Variants in USP6 observed in about 807,000 individuals in gnomAD.
USP6 encodes ubiquitin specific peptidase 6, also known as ubiquitin carboxyl-terminal hydrolase 6.
Under a neutral mutation model 175.7 loss-of-function variants are expected in USP6, and 128 were observed. The ratio of observed to expected loss-of-function variants is 0.73; its 90% CI spans 0.63 to 0.84. The LOEUF is 0.84. USP6 is among the 40% of genes least tolerant of loss of function. USP6 has a pLI of 0.00. For missense variants in USP6, 1,498 were observed against 1,760.3 expected (o/e 0.85, Z 2.67); for synonymous variants, 562 against 630.6 (o/e 0.89, Z 1.63).
chr17:5,123,442 CA>C (rs2072773261), intron 4 of USP6, among the ~76,000 whole-genome samples: 1 of 152,032 alleles, frequency 6.6e-6, no homozygotes. Context: ...CAGTGAGTGC[CA>C]GGGGCGGGCA....
In USP6 at chr17:5,155,511, C is replaced by G. The variant is rs1344316614; in HGVS notation, c.2733C>G (p.Thr911=). The change falls in exon 31 of 38, where the codon ACC becomes ACG. Residue 911 remains threonine, a synonymous_variant. Coordinates refer to ENST00000574788, the MANE Select transcript of USP6 (RefSeq NM_001304284.2). ...TGATTGTTCCATGCACTGTGCATACCCGGAAGAAAGACCTATATGATGCGG... is the reference window on the plus strand; with the variant it reads ...TGATTGTTCCATGCACTGTGCATACGCGGAAGAAAGACCTATATGATGCGG... ...MPLIVPCTVH[T]RKKDLYDAVW... 3 of 1,613,926 alleles carry G rather than the reference C, an allele frequency of 1.9e-6. No individual in the cohort carries two copies. The Admixed American group carries it at 5.0e-5, about 27-fold the overall frequency.
At chr17:5,155,680 CAGAT>C (rs2073868708) in intron 31 of USP6, 74 bp downstream of exon 31, 6 of 1,455,034 alleles carry the variant, frequency 4.1e-6, no homozygotes, top group Middle Eastern at 3.6e-4. Flanking sequence ...TTCTACATGA[CAGAT>C]AGGGCCCAGC....
In USP6 at chr17:5,121,356, G is replaced by A; in HGVS notation, c.-1674-19G>A. The A allele has an allele frequency of 5.8e-6, 2 of 342,456 alleles. No homozygotes were observed. The highest frequency in any genetic ancestry group is 4.7e-5 in the South Asian group (2 of 42,168). 21.2% of individuals were successfully genotyped at this position (342,456 alleles called of 1,614,324 possible). A position where few individuals can be genotyped will look rare whatever the true frequency, so the allele number is the denominator to read the frequency against. On this transcript the variant is annotated intron_variant, in intron 3 of 37. Coordinates refer to ENST00000574788, the MANE Select transcript of USP6 (RefSeq NM_001304284.2). ...TCTGAAAATCTCCTGAAACCCCTGTGGCCCACTCTGCCTTCCAGAGAGAGG... is the reference window on the plus strand; with the variant it reads ...TCTGAAAATCTCCTGAAACCCCTGTAGCCCACTCTGCCTTCCAGAGAGAGG...
intron 11 of USP6, among the ~76,000 whole-genome samples, chr17:5,131,003 GA>G (rs1160847899): frequency 2.6e-5 from 4 of 152,208 alleles, no homozygotes; most frequent in Non-Finnish European, 4.4e-5. Flanking sequence ...TGTCTACCAG[GA>G]GACAACCCCA....
intron 33 of USP6, among the ~76,000 whole-genome samples, chr17:5,166,254 A>G (rs1360639219): frequency 6.6e-6 from 1 of 152,234 alleles, no homozygotes; most frequent in Non-Finnish European, 1.5e-5. Flanking sequence ...TTTTCTAAAA[A>G]AAGAATTTTC....
chr17:5,151,062 A>C (rs1466218389), intron 30 of USP6, among the ~76,000 whole-genome samples: 1 of 152,102 alleles, frequency 6.6e-6, no homozygotes, highest in African/African-American at 2.4e-5. Flanking sequence ...TTATCTTGAC[A>C]TCCTCAACTT....
rs543316051 is a variant in USP6 at position 5,168,968 on chromosome 17, G to T, written c.3430G>T (p.Asp1144Tyr). 1.9e-6 allele frequency: 3 copies of T among 1,613,960 alleles called. No homozygotes were observed. Among genetic ancestry groups the T allele is most frequent in the Non-Finnish European group, 2.5e-6 (3 of 1,179,850 alleles). ...TCTGGCAAGAGAGGTGAAGAAAGTG[G>T]ATGCGCAGAGTTCGGCTGGAAAAGA... is the stretch of plus-strand genomic sequence containing the variant. ...RILAREVKKV[D>Y]AQSSAGKEDM... is the part of the protein sequence containing the mutation. Residue 1144 changes from aspartate (D) to tyrosine (Y), a missense_variant, in exon 35 of 38, where the codon GAT (aspartate) becomes TAT (tyrosine). Physicochemically the swap from Asp to Tyr is radical, Grantham distance 160. Coordinates refer to ENST00000574788, the MANE Select transcript of USP6 (RefSeq NM_001304284.2).
intron 23 of USP6, 133 bp from the exon 24 acceptor site, chr17:5,141,870 C>G (rs1173659560): frequency 7.3e-6 from 10 of 1,367,962 alleles, no homozygotes; most frequent in Non-Finnish European, 9.7e-6. Context: ...TTTCAAAGAC[C>G]TGCTAGAGAA....
Position 5,133,562 on chromosome 17 carries a change from C to T in USP6, c.384+12C>T, listed in dbSNP as rs1481821816. ...CCGGAAGATACCAGGTATGCTCAGCCAGAGCACAACAAACAGGACAGGCCG... is the reference window on the plus strand; with the variant it reads ...CCGGAAGATACCAGGTATGCTCAGCTAGAGCACAACAAACAGGACAGGCCG... On this transcript the variant is annotated intron_variant, in intron 14 of 37. Transcript: ENST00000574788. 2 of 1,597,580 alleles carry T rather than the reference C, an allele frequency of 1.3e-6. No individual in the cohort carries two copies. Among genetic ancestry groups the T allele is most frequent in the South Asian group, 1.1e-5 (1 of 90,698 alleles).
chr17:5,134,146 C>T (rs986888766), intron 15 of USP6, 150 bp downstream of exon 15: 13 of 789,336 alleles, frequency 1.6e-5, no homozygotes, highest in African/African-American at 1.2e-4. Flanking sequence ...CACCATGAAC[C>T]GAGCACCTCC....
chr17:5,167,490 C>G (rs1234225185), intron 33 of USP6, among the ~76,000 whole-genome samples: 1 of 152,080 alleles, frequency 6.6e-6, no homozygotes, highest in Non-Finnish European at 1.5e-5. Flanking sequence ...TGTATTTGCT[C>G]GGACTCTAGT....
At chr17:5,147,346 C>T (rs1021997148) in intron 29 of USP6, 152 bp downstream of exon 29, 73 of 952,658 alleles carry the variant, frequency 7.7e-5, no homozygotes, top group Non-Finnish European at 1.0e-4. Context: ...CATATTTTTT[C>T]GATGAGAAAC....
intron 22 of USP6, among the ~76,000 whole-genome samples, chr17:5,140,668 AT>A (rs1325023601): frequency 1.3e-5 from 2 of 152,214 alleles, no homozygotes; most frequent in Non-Finnish European, 2.9e-5. Flanking sequence ...TAATTGTCCC[AT>A]TTTCGCCTAA....
intron 28 of USP6, 91 bp from the exon 29 acceptor site, chr17:5,146,992 C>G: frequency 7.7e-7 from 1 of 1,304,246 alleles, no homozygotes; most frequent in Non-Finnish European, 1.1e-6. Flanking sequence ...ATGAAAGGAC[C>G]TAAGACATTC....
In USP6 at chr17:5,150,960, C is replaced by T. The variant is rs1340908826; in HGVS notation, c.2643+2193C>T. On this transcript the variant is annotated intron_variant, in intron 30 of 37. Transcript: ENST00000574788. ...GTGACTACATAACTGCAATCCCTGC[C>T]TCTTCACATGGCCTTCTCCTTCTCT... 5.3e-5 allele frequency among the ~76,000 whole-genome samples: 8 copies of T among 152,098 alleles called. No individual in the cohort carries two copies. In the East Asian group the frequency reaches 1.5e-3, roughly 29 times the overall value.
At chr17:5,156,819 C>T (rs2073895358) in intron 31 of USP6, among the ~76,000 whole-genome samples, 2 of 151,624 alleles carry the variant, frequency 1.3e-5, no homozygotes, top group Admixed American at 1.3e-4. Context: ...CAAACTCCGC[C>T]TCCAGGTTCA....
chr17:5,135,761 C>T (rs564177107), intron 16 of USP6, 47 bp from the exon 17 acceptor site: 34 of 1,597,248 alleles, frequency 2.1e-5, no homozygotes, highest in Non-Finnish European at 2.9e-5. Flanking sequence ...CAGGTGACCT[C>T]AGCCCTCCCA....
intron 21 of USP6, chr17:5,138,878 A>T: frequency 1.3e-6 from 1 of 783,484 alleles, no homozygotes; most frequent in Non-Finnish European, 1.9e-6. Context: ...CCAGTCACCC[A>T]CTGCGGAGAC....
rs760440041 is a variant in USP6 at position 5,167,988 on chromosome 17, C to T, written c.3093C>T (p.Ile1031=). 49 of 1,611,996 alleles carry T rather than the reference C, an allele frequency of 3.0e-5. No homozygotes were observed. Among genetic ancestry groups the T allele is most frequent in the Non-Finnish European group, 4.0e-5 (47 of 1,179,838 alleles). ...EQSRRAQAEP[I]NLDSCLRAFT... is the part of the protein sequence containing the mutation. ...GTCGGCGAGCGCAAGCCGAGCCCAT[C>T]AACCTGGACAGCTGTCTCCGTGCTT... Residue 1031 remains isoleucine, a synonymous_variant, in exon 34 of 38, where the codon ATC becomes ATT. Transcript: ENST00000574788.
Sources: gnomAD v4.1 joint callset for allele counts (sites outside exome capture counted in the v4.1 genomes callset) on GRCh38, gnomAD v4.1.1 for gene constraint, MANE v1.5 for transcripts, NCBI Gene and HGNC (gene_info 2026-07-23, HGNC 2026-07-21) for gene names.